The following AP1M1 variants were observed in gnomAD, a reference collection of about 807,000 sequenced individuals.
AP1M1 encodes AP-1 complex subunit mu-1.
In AP1M1, 18 loss-of-function variants were observed where a neutral mutation model predicts 57.1. The observed-to-expected ratio is 0.32, with a 90% CI of 0.22 to 0.47. The LOEUF is 0.47. AP1M1 is among the 20% of genes least tolerant of loss of function. The probability of loss-of-function intolerance (pLI) is 1.00; values close to 1 mark genes in which losing one functional copy is unlikely to be tolerated. For missense variants in AP1M1, 362 were observed against 593.5 expected, an observed-to-expected ratio of 0.61 and a Z score of 4.05; for synonymous variants, 241 against 237.9, an observed-to-expected ratio of 1.01 and a Z score of -0.12.
chr19:16,203,114 G>A lies in AP1M1; in HGVS notation c.43-345G>A, dbSNP rs1021878313. 3 of 266,094 alleles carry A rather than the reference G, an allele frequency of 1.1e-5. No homozygotes were observed. The highest frequency in any genetic ancestry group is 4.6e-5 in the African/African-American group (2 of 43,688). 16.5% of individuals were successfully genotyped at this position (266,094 alleles called of 1,614,324 possible). A position where few individuals can be genotyped will look rare whatever the true frequency, so the allele number is the denominator to read the frequency against. Reference sequence around the variant, plus strand: ...GCGGGAGAGCAAGGTGCGTTGGCCCGGCAAAGGCTCTGAGAAGGTCTGCAT... The same window carrying A: ...GCGGGAGAGCAAGGTGCGTTGGCCCAGCAAAGGCTCTGAGAAGGTCTGCAT... On this transcript the variant is annotated intron_variant, in intron 1 of 11. Coordinates refer to ENST00000291439, the MANE Select transcript of AP1M1 (RefSeq NM_032493.4). The surrounding 1 kb of genome is among the most constrained non-coding windows in gnomAD (Gnocchi z 4.6).
chr19:16,226,801 C>T, intron 6 of AP1M1: 1 of 410,598 alleles, frequency 2.4e-6, no homozygotes, highest in Non-Finnish European at 4.4e-6. Context: ...AGGTCCTGCA[C>T]CCTGCCCTGC....
In AP1M1 at chr19:16,241,010, A is replaced by C. The variant is rs2363119; in HGVS notation, c.*6575A>C. 6.6e-6 allele frequency: 1 copy of C among 151,990 alleles called. No homozygotes were observed. The highest frequency in any genetic ancestry group is 1.9e-4 in the East Asian group (1 of 5,150). 9.4% of individuals were successfully genotyped at this position (151,990 alleles called of 1,614,324 possible). On this transcript the variant is annotated 3_prime_UTR_variant, in exon 12 of 12. Coordinates refer to ENST00000291439, the MANE Select transcript of AP1M1 (RefSeq NM_032493.4). ...GAGAGAAGTGCAGTCTAGAATTCTGAGCCCACCTCATCTGTAAAAGGTAGG... is the reference window on the plus strand; with the variant it reads ...GAGAGAAGTGCAGTCTAGAATTCTGCGCCCACCTCATCTGTAAAAGGTAGG...
At chr19:16,205,824 A>T (rs751927270) in intron 2 of AP1M1, among the ~76,000 whole-genome samples, 5 of 152,184 alleles carry the variant, frequency 3.3e-5, no homozygotes, top group African/African-American at 1.2e-4. Context: ...CAGGAGAGAA[A>T]TATCAAGGTT....
At chr19:16,233,386 T>A in intron 9 of AP1M1, 107 bp from the exon 10 acceptor site, 1 of 1,402,064 alleles carries the variant, frequency 7.1e-7, no homozygotes, top group Non-Finnish European at 9.3e-7. Flanking sequence ...CTCCCCTCCC[T>A]GGACTGGGGT....
rs947296048 is a variant in AP1M1 at position 16,244,092 on chromosome 19, G to C, written c.*9657G>C. On this transcript the variant is annotated 3_prime_UTR_variant, in exon 12 of 12. Transcript: ENST00000291439. ...ATTCACAAAGGGGAAAAAGGCAAAA[G>C]ATACTTAAAGCAGCCAGAGGTAAAG... The C allele has an allele frequency of 6.6e-6, 1 of 152,178 alleles. No individual in the cohort carries two copies. Among genetic ancestry groups the C allele is most frequent in the African/African-American group, 2.4e-5 (1 of 41,442 alleles). 9.4% of individuals were successfully genotyped at this position (152,178 alleles called of 1,614,324 possible). A position where few individuals can be genotyped will look rare whatever the true frequency, so the allele number is the denominator to read the frequency against.
In AP1M1 at chr19:16,226,428, C is replaced by G. The variant is rs752308670; in HGVS notation, c.554C>G (p.Ala185Gly). 2 of 1,541,590 alleles carry G rather than the reference C, an allele frequency of 1.3e-6. No homozygotes were observed. Among genetic ancestry groups the G allele is most frequent in the South Asian group, 2.3e-5 (2 of 85,280 alleles). The change falls in exon 6 of 12, where the codon GCC becomes GGC. Residue 185 changes from alanine (A) to glycine (G), a missense_variant. By Grantham distance (60) the Ala-to-Gly change is moderately conservative. Around this residue, in one of 2 missense-constraint regions of AP1M1, gnomAD observed 337 missense variants for 511.1 expected, o/e 0.66. Coordinates refer to ENST00000291439, the MANE Select transcript of AP1M1 (RefSeq NM_032493.4). ...VIESVNLLVS[A>G]NGNVLRSEIV... is the part of the protein sequence containing the mutation. Reference sequence around the variant, plus strand: ...CCACACCGCCACCCCCAGGTCAGCGCCAACGGCAATGTCCTGCGCAGCGAG... The same window carrying G: ...CCACACCGCCACCCCCAGGTCAGCGGCAACGGCAATGTCCTGCGCAGCGAG...
intron 2 of AP1M1, among the ~76,000 whole-genome samples, chr19:16,204,443 G>A (rs2091461413): frequency 6.6e-6 from 1 of 152,182 alleles, no homozygotes; most frequent in Admixed American, 6.5e-5. Flanking sequence ...AGCCATGGGG[G>A]ATCCCTCACC....
chr19:16,220,791 C>T (rs901035661), intron 5 of AP1M1, among the ~76,000 whole-genome samples: 2 of 152,126 alleles, frequency 1.3e-5, no homozygotes, highest in African/African-American at 2.4e-5. Flanking sequence ...TACCTTTATC[C>T]CTAAAGGCTA....
At chr19:16,199,027 C>T (rs2091436660) in intron 1 of AP1M1, among the ~76,000 whole-genome samples, 1 of 152,064 alleles carries the variant, frequency 6.6e-6, no homozygotes, top group Non-Finnish European at 1.5e-5. Flanking sequence ...AGGCTGGTCT[C>T]GAACTCTTGA....
Position 16,203,955 on chromosome 19 carries a change from G to T in AP1M1, c.199+340G>T, listed in dbSNP as rs1262461138. 6.6e-6 allele frequency among the ~76,000 whole-genome samples: 1 copy of T among 152,162 alleles called. No homozygotes were observed. Among genetic ancestry groups the T allele is most frequent in the Non-Finnish European group, 1.5e-5 (1 of 68,026 alleles). The stretch of plus-strand genomic sequence containing the variant: ...GTGGGTGAAGGCTCTGCAGGGAAGA[G>T]CCTCATTCCAACAGCTGCACTCGGG... On this transcript the variant is annotated intron_variant, in intron 2 of 11. Transcript: ENST00000291439. This position sits in a 1 kb window ranked among gnomAD's most constrained non-coding sequence, Gnocchi z 4.6.
chr19:16,233,376 C>T (rs917348127), intron 9 of AP1M1, 117 bp from the exon 10 acceptor site: 235 of 1,365,320 alleles, frequency 1.7e-4, no homozygotes, highest in Admixed American at 8.5e-5. Context: ...GGGGCTCATG[C>T]TCCCCTCCCT....
In AP1M1 at chr19:16,226,459, G is replaced by A. The variant is rs2145136281; in HGVS notation, c.585G>A (p.Val195=). ...GCAATGTCCTGCGCAGCGAGATCGT[G>A]GGCTCCATCAAGATGCGAGTCTTCC... is the stretch of plus-strand genomic sequence containing the variant. ...ANGNVLRSEI[V]GSIKMRVFLS... The change falls in exon 6 of 12, where the codon GTG becomes GTA. Residue 195 remains valine (V), a synonymous_variant. Coordinates refer to ENST00000291439, the MANE Select transcript of AP1M1 (RefSeq NM_032493.4). 1 of 1,573,734 alleles carries A rather than the reference G, an allele frequency of 6.4e-7. No homozygotes were observed. Among genetic ancestry groups the A allele is most frequent in the Non-Finnish European group, 8.6e-7 (1 of 1,160,840 alleles).
intron 5 of AP1M1, among the ~76,000 whole-genome samples, chr19:16,219,284 C>G (rs530699892): frequency 4.1e-4 from 62 of 151,958 alleles, no homozygotes; most frequent in African/African-American, 1.5e-3. Flanking sequence ...TGCTTGGGAG[C>G]AGAAGTGTTT....
At chr19:16,222,733 G>A (rs1415646411) in intron 5 of AP1M1, among the ~76,000 whole-genome samples, 1 of 151,856 alleles carries the variant, frequency 6.6e-6, no homozygotes, top group African/African-American at 2.4e-5. Flanking sequence ...TGAGTGTGCT[G>A]AGTAGCTGAG....
chr19:16,215,194 C>CAGGGGCGGGGGG (rs1568350995), intron 5 of AP1M1, among the ~76,000 whole-genome samples: 3 of 1,922 alleles, frequency 1.6e-3, no homozygotes, highest in South Asian at 0.011. Flanking sequence ...GAGGCTAAGG[C>CAGGGGCGGGGGG]GGGGGCGGGG....
rs373635045 is a variant in AP1M1, at chr19:16,205,309, T to G, written c.200-1032T>G. Among the ~76,000 whole-genome samples the G allele has an allele frequency of 2.0e-4, 30 of 152,268 alleles. No homozygotes were observed. The Middle Eastern group carries it at 0.01, about 52-fold the overall frequency. On this transcript the variant is annotated intron_variant, in intron 2 of 11. Transcript: ENST00000291439. Reference sequence around the variant, plus strand: ...GACAGGGAGGGCTCACCCCTCTGGCTTAGTGGACATCGTTTCACCCCCAGC... The same window carrying G: ...GACAGGGAGGGCTCACCCCTCTGGCGTAGTGGACATCGTTTCACCCCCAGC...
In AP1M1 at chr19:16,239,344, A is replaced by C. The variant is rs901799234; in HGVS notation, c.*4909A>C. ...CCCAACTACTTGGGAGGCTGAGGCT[A>C]GAGGATTACTTGAGCCCAGGAGTTT... On this transcript the variant is annotated 3_prime_UTR_variant, in exon 12 of 12. Transcript: ENST00000291439. 7.5e-6 allele frequency: 1 copy of C among 133,292 alleles called. No homozygotes were observed. The highest frequency in any genetic ancestry group is 2.8e-5 in the African/African-American group (1 of 36,222). The allele number at this position is 133,292 out of a possible 1,614,324, so 8.3% of individuals were successfully genotyped here. A position where few individuals can be genotyped will look rare whatever the true frequency, so the allele number is the denominator to read the frequency against.
In AP1M1 at chr19:16,227,543, C is replaced by A; in HGVS notation, c.674-5C>A. ...GATCTGTCCTACCCTCACCCCTGAC[C>A]CCAGGCGGCAAAAGCAAATCCGTGG... On this transcript the variant is annotated splice_region_variant and splice_polypyrimidine_tract_variant and intron_variant, in intron 6 of 11. Coordinates refer to ENST00000291439, the MANE Select transcript of AP1M1 (RefSeq NM_032493.4). The surrounding 1 kb of genome is among the most constrained non-coding windows in gnomAD (Gnocchi z 6.2). The A allele has an allele frequency of 6.2e-7, 1 of 1,613,644 alleles. No individual in the cohort carries two copies. Among genetic ancestry groups the A allele is most frequent in the Non-Finnish European group, 8.5e-7 (1 of 1,179,678 alleles).
chr19:16,223,272 G>A (rs62116325), intron 5 of AP1M1, among the ~76,000 whole-genome samples: 4 of 152,256 alleles, frequency 2.6e-5, no homozygotes, highest in Admixed American at 6.5e-5. Context: ...TCTGGGACCC[G>A]AGTGGTTAGT....
Sources: allele counts gnomAD v4.1 joint callset (sites outside exome capture counted in the v4.1 genomes callset), GRCh38; gene constraint gnomAD v4.1.1; regional missense constraint gnomAD v4.1.1; non-coding constraint Gnocchi (gnomAD v3.1); transcripts MANE v1.5; gene names NCBI Gene and HGNC (gene_info 2026-07-23, HGNC 2026-07-21).